SHPK: variants seen among roughly 807,000 people sequenced by gnomAD.
The protein encoded by SHPK is sedoheptulokinase, also known as carbohydrate kinase-like protein.
Under a neutral mutation model 46.3 loss-of-function variants are expected in SHPK, and 51 were observed. The observed-to-expected ratio is 1.10, with a 90% CI of 0.88 to 1.39. The LOEUF is 1.39. SHPK is among the 40% of genes most tolerant of loss of function. The pLI is 0.00. For synonymous variants in SHPK, 290 were observed against 273.9 expected (o/e 1.06, Z -0.58); for missense variants, 668 against 641.3 (o/e 1.04, Z -0.45).
intron 1 of SHPK, among the ~76,000 whole-genome samples, chr17:3,635,240 A>AGGAAGGAAGGAAGGGAG (rs1555556012): frequency 5.0e-5 from 7 of 140,372 alleles, no homozygotes; most frequent in East Asian, 4.9e-4. Flanking sequence ...GAAGGAAGGA[A>AGGAAGGAAGGAAGGGAG]GGAAGGGAAG....
intron 1 of SHPK, among the ~76,000 whole-genome samples, chr17:3,632,602 G>A (rs1486625170): frequency 1.3e-5 from 2 of 152,246 alleles, no homozygotes; most frequent in Middle Eastern, 3.4e-3. Context: ...GGGTGTGATT[G>A]GGGAGTAGCT....
chr17:3,611,740 A>G (rs1173765799), intron 6 of SHPK, among the ~76,000 whole-genome samples: 1 of 151,210 alleles, frequency 6.6e-6, no homozygotes, highest in Non-Finnish European at 1.5e-5. Context: ...CTTGCTTTTC[A>G]GTGTCAAGCC....
intron 1 of SHPK, among the ~76,000 whole-genome samples, chr17:3,635,738 CAA>C: frequency 6.6e-6 from 1 of 152,108 alleles, no homozygotes; most frequent in African/African-American, 2.4e-5. Context: ...TCCATACACA[CAA>C]GAGATCAGTT....
Position 3,631,450 on chromosome 17 carries a change from T to C in SHPK, c.169-1104A>G, listed in dbSNP as rs1008508146. Among the ~76,000 whole-genome samples the C allele has an allele frequency of 2.1e-5, 3 of 143,732 alleles. No individual in the cohort carries two copies. The Admixed American group carries it at 2.2e-4, about 10-fold the overall frequency. The allele number at this position is 143,732 out of a possible 152,430, so 94.3% of individuals were successfully genotyped here. A position where few individuals can be genotyped will look rare whatever the true frequency, so the allele number is the denominator to read the frequency against. Reference sequence around the variant, plus strand: ...TGGCTAGTCTGAATTGACATGTAAATGTAAAACATGCACCGGACTACAATT... The same window carrying C: ...TGGCTAGTCTGAATTGACATGTAAACGTAAAACATGCACCGGACTACAATT... On this transcript the variant is annotated intron_variant, in intron 1 of 6. Coordinates refer to ENST00000225519, the MANE Select transcript of SHPK (RefSeq NM_013276.4).
chr17:3,622,951 C>G (rs368930968), intron 4 of SHPK, among the ~76,000 whole-genome samples: 1 of 152,044 alleles, frequency 6.6e-6, no homozygotes. Context: ...GTGATTCACC[C>G]GCCTCAGCCT....
chr17:3,612,095 T>C (rs866910385), intron 6 of SHPK, among the ~76,000 whole-genome samples: 1 of 150,396 alleles, frequency 6.6e-6, no homozygotes, highest in Non-Finnish European at 1.5e-5. Flanking sequence ...TGAGCCACCA[T>C]GCCCCGCCAG....
In SHPK at chr17:3,609,348, A is replaced by T. The variant is rs1476164330; in HGVS notation, c.*1212T>A. The T allele has an allele frequency of 1.4e-5, 2 of 145,468 alleles. No individual in the cohort carries two copies. The highest frequency in any genetic ancestry group is 7.1e-5 in the Admixed American group (1 of 14,156). 9.0% of individuals were successfully genotyped at this position (145,468 alleles called of 1,614,324 possible). A position where few individuals can be genotyped will look rare whatever the true frequency, so the allele number is the denominator to read the frequency against. On this transcript the variant is annotated 3_prime_UTR_variant, in exon 7 of 7. Transcript: ENST00000225519. ...GAGAGAGAGAGAGAGAGAGAGAGAG[A>T]GAATACGACTGCTTCCCAAACTCGT... is the stretch of plus-strand genomic sequence containing the variant.
intron 6 of SHPK, among the ~76,000 whole-genome samples, chr17:3,612,753 CTT>C (rs34497996): frequency 0.017 from 2,207 of 132,820 alleles, 53 homozygotes; most frequent in African/African-American, 0.049. Context: ...ACTCAGGGAT[CTT>C]TTTTTTTTTT....
chr17:3,629,249 T>C (rs1034796130), intron 2 of SHPK, among the ~76,000 whole-genome samples: 1 of 152,150 alleles, frequency 6.6e-6, no homozygotes, highest in African/African-American at 2.4e-5. Flanking sequence ...ACCAGGTTGT[T>C]GGGAATATCC....
At chr17:3,613,366 G>C (rs2075352335) in intron 6 of SHPK, among the ~76,000 whole-genome samples, 2 of 152,144 alleles carry the variant, frequency 1.3e-5, no homozygotes, top group Non-Finnish European at 2.9e-5. Context: ...CACCAATCTA[G>C]AGAGTCACTG....
chr17:3,615,157 A>G (rs2075364493), intron 6 of SHPK, among the ~76,000 whole-genome samples, 180 bp downstream of exon 6: 1 of 152,122 alleles, frequency 6.6e-6, no homozygotes, highest in African/African-American at 2.4e-5. Flanking sequence ...CTTGGAGGAC[A>G]AGAAGAAAAG....
intron 1 of SHPK, among the ~76,000 whole-genome samples, chr17:3,631,759 G>C (rs1227404187): frequency 6.6e-6 from 1 of 151,418 alleles, no homozygotes; most frequent in Admixed American, 6.6e-5. Flanking sequence ...CTGGCCTCAG[G>C]GATTCACCCA....
In SHPK at chr17:3,610,859, C is replaced by T. The variant is rs758076468; in HGVS notation, c.1138G>A (p.Asp380Asn). 1.2e-6 allele frequency: 2 copies of T among 1,614,060 alleles called. No homozygotes were observed. The highest frequency in any genetic ancestry group is 8.5e-7 in the Non-Finnish European group (1 of 1,180,014). ...ATTCTGGTCACTGAGGCCAGCTGGT[C>T]CGGCAGGTGCCTCTCCCCCAGCACT... is the stretch of plus-strand genomic sequence containing the variant. ...PTVLGERHLP[D>N]QLASVTRISS... The change falls in exon 7 of 7, where the codon GAC becomes AAC. Residue 380 changes from aspartate to asparagine, a missense_variant. By Grantham distance (23) the Asp-to-Asn change is conservative. Coordinates refer to ENST00000225519, the MANE Select transcript of SHPK (RefSeq NM_013276.4).
At chr17:3,629,924 C>T (rs1597578034) in intron 2 of SHPK, among the ~76,000 whole-genome samples, 2 of 152,182 alleles carry the variant, frequency 1.3e-5, no homozygotes, top group Admixed American at 1.3e-4. Flanking sequence ...AAAATGCACT[C>T]TGCTGAATCC....
At position 3,623,479 on chromosome 17, in the gene SHPK, C is replaced by T; in HGVS notation, c.507G>A (p.Leu169=). ...FWLLKYRPEF[L]KSYDAAGTIH... ...TGGTACCGGCTGCGTCGTAGGACTT[C>T]AGGAACTCTGGGCTGTTTTTCATAC... is the stretch of plus-strand genomic sequence containing the variant. The change falls in exon 4 of 7, where the codon CTG becomes CTA. Residue 169 remains leucine (L), a synonymous_variant. Transcript: ENST00000225519. 1 of 1,614,140 alleles carries T rather than the reference C, an allele frequency of 6.2e-7. No homozygotes were observed. The highest frequency in any genetic ancestry group is 8.5e-7 in the Non-Finnish European group (1 of 1,179,992).
chr17:3,630,053 G>A (rs535454548), intron 2 of SHPK, 152 bp downstream of exon 2: 11 of 916,856 alleles, frequency 1.2e-5, no homozygotes, highest in South Asian at 2.9e-5. Context: ...GCTCACCCAC[G>A]CAGGAGGCAG....
At chr17:3,635,149 G>A (rs2075503115) in intron 1 of SHPK, among the ~76,000 whole-genome samples, 2 of 143,518 alleles carry the variant, frequency 1.4e-5, no homozygotes, top group South Asian at 4.5e-4. Context: ...TCCAGCCTGG[G>A]CAACAGAGCG....
rs940166091 is a variant in SHPK at position 3,619,362 on chromosome 17, T to C, written c.823+1875A>G. The stretch of plus-strand genomic sequence containing the variant: ...AGTTATCTGGACCTTGTTTTATACA[T>C]TGAACCATTCCGGGTGATGATTCAT... On this transcript the variant is annotated intron_variant, in intron 5 of 6. Transcript: ENST00000225519. 1.3e-5 allele frequency: 19 copies of C among 1,476,024 alleles called. No homozygotes were observed. In the Admixed American group the frequency reaches 2.2e-4, roughly 17 times the overall value. The allele number at this position is 1,476,024 out of a possible 1,614,324, so 91.4% of individuals were successfully genotyped here.
rs748506401 is a variant in SHPK at position 3,630,245 on chromosome 17, C to T, written c.270G>A (p.Ser90=). 1.9e-5 allele frequency: 30 copies of T among 1,613,600 alleles called. No individual in the cohort carries two copies. Among genetic ancestry groups the T allele is most frequent in the East Asian group, 1.1e-4 (5 of 44,872 alleles). The part of the protein sequence containing the change: ...QLRSVVGIGV[S]GQMHGVVFWK... Reference sequence around the variant, plus strand: ...AAAACACGACTCCATGCATCTGGCCCGACACCCCGATGCCCACGACGCTCC... The same window carrying T: ...AAAACACGACTCCATGCATCTGGCCTGACACCCCGATGCCCACGACGCTCC... Residue 90 remains serine, a synonymous_variant, in exon 2 of 7, where the codon TCG becomes TCA. Transcript: ENST00000225519.
Sources: allele counts gnomAD v4.1 joint callset (sites outside exome capture counted in the v4.1 genomes callset), GRCh38; gene constraint gnomAD v4.1.1; transcripts MANE v1.5; gene names NCBI Gene and HGNC (gene_info 2026-07-23, HGNC 2026-07-21).